Variants in BAZ2B observed in about 807,000 individuals in gnomAD.
The protein encoded by BAZ2B is bromodomain adjacent to zinc finger domain protein 2B.
In BAZ2B, 91 loss-of-function variants were observed where a neutral mutation model predicts 246.0. The observed-to-expected ratio is 0.37, with a 90% CI of 0.31 to 0.44. The LOEUF (loss-of-function observed/expected upper bound fraction) is 0.44. BAZ2B is among the 20% of genes least tolerant of loss of function. BAZ2B has a pLI of 1.00. For missense variants in BAZ2B, 2,332 were observed against 2,533.7 expected, an observed-to-expected ratio of 0.92 and a Z score of 1.71; for synonymous variants, 855 against 860.0, an observed-to-expected ratio of 0.99 and a Z score of 0.10.
Position 159,370,576 on chromosome 2 carries a change from G to A in BAZ2B, c.4213+2469C>T, listed in dbSNP as rs191558838. 6.6e-3 allele frequency among the ~76,000 whole-genome samples: 1,000 copies of A among 151,782 alleles called. 6 individuals carry two copies. Among genetic ancestry groups the A allele is most frequent in the Middle Eastern group, 0.027 (8 of 294 alleles). On this transcript the variant is annotated intron_variant, in intron 27 of 36. Coordinates refer to ENST00000392783, the MANE Select transcript of BAZ2B (RefSeq NM_013450.4). ...TTTAGTAGAGACGGGGTTTCACCACGTTAACCAGGATGGTCTTGATCTCCT... is the reference window on the plus strand; with the variant it reads ...TTTAGTAGAGACGGGGTTTCACCACATTAACCAGGATGGTCTTGATCTCCT...
chr2:159,590,772 A>C (rs992770804), intron 1 of BAZ2B, among the ~76,000 whole-genome samples: 6 of 152,170 alleles, frequency 3.9e-5, no homozygotes, highest in Non-Finnish European at 7.3e-5. Context: ...GGAAAGAAGC[A>C]AATTTTTAGC....
At chr2:159,690,085 A>G in the BAZ2B span, 1 of 522,576 alleles carries the variant, frequency 1.9e-6, no homozygotes, top group Non-Finnish European at 3.2e-6. Context: ...TTCTAAATGC[A>G]ACTTCATCAT....
the BAZ2B span, among the ~76,000 whole-genome samples, chr2:159,702,684 T>C: frequency 1.3e-5 from 2 of 152,202 alleles, no homozygotes; most frequent in East Asian, 1.9e-4. Flanking sequence ...CAAATATTCA[T>C]TAAAATTGTT....
intron 2 of BAZ2B, among the ~76,000 whole-genome samples, chr2:159,545,727 G>A (rs1242178430): frequency 1.3e-5 from 2 of 152,074 alleles, no homozygotes; most frequent in Non-Finnish European, 2.9e-5. Context: ...AGATTATAAG[G>A]AGTTTACAGT....
rs114420076 is a variant in BAZ2B, at chr2:159,610,367, C to T, written c.-46+5875G>A. Among the ~76,000 whole-genome samples, 322 of 152,278 alleles carry T rather than the reference C, an allele frequency of 2.1e-3. 1 individual carries two copies. Among genetic ancestry groups the T allele is most frequent in the Non-Finnish European group, 3.7e-3 (254 of 68,010 alleles). On this transcript the variant is annotated intron_variant, in intron 1 of 36. Coordinates refer to ENST00000392783, the MANE Select transcript of BAZ2B (RefSeq NM_013450.4). ...ACAAAGACCTTAGATTTATTTATGT[C>T]CTAGCGAGTTAAGAGCTTCAGTACA... is the stretch of plus-strand genomic sequence containing the variant.
At chr2:159,506,328 T>C (rs1483025109) in intron 2 of BAZ2B, among the ~76,000 whole-genome samples, 1 of 152,110 alleles carries the variant, frequency 6.6e-6, no homozygotes, top group Non-Finnish European at 1.5e-5. Flanking sequence ...GACCTAGCAA[T>C]GGAACCTACT....
chr2:159,608,726 C>G (rs577830288), intron 1 of BAZ2B, among the ~76,000 whole-genome samples: 1 of 152,208 alleles, frequency 6.6e-6, no homozygotes, highest in East Asian at 1.9e-4. Flanking sequence ...CTATGCAACT[C>G]AAAACTAAAA....
chr2:159,481,561 A>C (rs1267972632), intron 2 of BAZ2B, among the ~76,000 whole-genome samples: 1 of 151,948 alleles, frequency 6.6e-6, no homozygotes, highest in African/African-American at 2.4e-5. Flanking sequence ...AATTAAATGA[A>C]AAGATGAAAA....
the BAZ2B span, among the ~76,000 whole-genome samples, chr2:159,673,230 T>A: frequency 1.3e-5 from 2 of 152,120 alleles, no homozygotes; most frequent in Non-Finnish European, 2.9e-5. Context: ...AGAAAAATAA[T>A]ATGAACTGGC....
chr2:159,373,313 A>G, intron 26 of BAZ2B, 124 bp from the exon 27 acceptor site: 1 of 762,320 alleles, frequency 1.3e-6, no homozygotes, highest in Non-Finnish European at 1.9e-6. Flanking sequence ...GAAAAGAGCA[A>G]AAGGTCTAAA....
chr2:159,604,335 T>A (rs2151779284), intron 1 of BAZ2B, among the ~76,000 whole-genome samples: 1 of 152,282 alleles, frequency 6.6e-6, no homozygotes, highest in African/African-American at 2.4e-5. Context: ...CTCACACTCC[T>A]GGCCTCCAGC....
the BAZ2B span, among the ~76,000 whole-genome samples, chr2:159,711,396 A>C: frequency 6.6e-6 from 1 of 152,208 alleles, no homozygotes; most frequent in Non-Finnish European, 1.5e-5. Flanking sequence ...TCATAGTGAA[A>C]CATGTACAGT....
At chr2:159,414,978 C>A (rs1229963307) in intron 13 of BAZ2B, among the ~76,000 whole-genome samples, 1 of 151,962 alleles carries the variant, frequency 6.6e-6, no homozygotes, top group Admixed American at 6.6e-5. Flanking sequence ...ATTCCTTCAA[C>A]AAATTTTGGA....
At chr2:159,414,839 G>A (rs1007262010) in intron 13 of BAZ2B, among the ~76,000 whole-genome samples, 2 of 150,830 alleles carry the variant, frequency 1.3e-5, no homozygotes, top group African/African-American at 4.9e-5. Context: ...ATATTCTCAT[G>A]TACCCCATAT....
intron 1 of BAZ2B, among the ~76,000 whole-genome samples, chr2:159,578,151 G>C (rs1210878705): frequency 6.6e-6 from 1 of 152,078 alleles, no homozygotes; most frequent in Non-Finnish European, 1.5e-5. Flanking sequence ...ACTAAATGAA[G>C]ACAAAAATTC....
At chr2:159,548,992 A>T (rs1053563450) in intron 2 of BAZ2B, among the ~76,000 whole-genome samples, 5 of 152,284 alleles carry the variant, frequency 3.3e-5, no homozygotes, top group Admixed American at 2.6e-4. Context: ...AACAACGTTA[A>T]ACTAAGGCCG....
At chr2:159,433,502 A>C in intron 8 of BAZ2B, 139 bp from the exon 9 acceptor site, 1 of 739,826 alleles carries the variant, frequency 1.4e-6, no homozygotes, top group Non-Finnish European at 2.1e-6. Flanking sequence ...AATGCTGTAA[A>C]AGTAGCAACA....
the BAZ2B span, among the ~76,000 whole-genome samples, chr2:159,687,403 G>A: frequency 6.6e-6 from 1 of 152,208 alleles, no homozygotes; most frequent in Non-Finnish European, 1.5e-5. Flanking sequence ...CTCTGAGGGA[G>A]GGAAGAAAGG....
intron 6 of BAZ2B, chr2:159,444,972 G>A (rs2074015497): frequency 6.6e-6 from 1 of 152,234 alleles, no homozygotes; most frequent in Admixed American, 6.5e-5. Flanking sequence ...TAAATCCACT[G>A]ATAAGAGTGT....
Sources: allele counts gnomAD v4.1 joint callset (sites outside exome capture counted in the v4.1 genomes callset), GRCh38; gene constraint gnomAD v4.1.1; transcripts MANE v1.5; gene names NCBI Gene and HGNC (gene_info 2026-07-23, HGNC 2026-07-21).